Variants in AK5 observed in about 807,000 individuals in gnomAD.
The protein encoded by AK5 is adenylate kinase isoenzyme 5.
Under a neutral mutation model 69.5 loss-of-function variants are expected in AK5, and 27 were observed. The ratio of observed to expected loss-of-function variants is 0.39; its 90% confidence interval spans 0.29 to 0.54. The LOEUF is 0.54. Ranked by LOEUF, AK5 falls within the 20% of genes least tolerant of loss-of-function variation. The pLI is 0.71. For missense variants in AK5, 531 were observed against 700.4 expected (o/e 0.76, Z 2.73); for synonymous variants, 260 against 244.4 (o/e 1.06, Z -0.60).
intron 5 of AK5, among the ~76,000 whole-genome samples, chr1:77,304,483 G>A (rs1014366076): frequency 1.3e-4 from 19 of 149,778 alleles, no homozygotes; most frequent in South Asian, 4.2e-4. Context: ...TCGGCTCACC[G>A]CAGCGTCTGT....
chr1:77,296,501 A>AT (rs67967178), intron 3 of AK5, among the ~76,000 whole-genome samples: 1 of 125,320 alleles, frequency 8.0e-6, no homozygotes, highest in East Asian at 3.0e-4. Context: ...GTTGACAAAA[A>AT]ATTTTTTTTC....
Position 77,423,235 on chromosome 1 carries a change from AAAAAAAG to A in AK5, c.1059+5523_1059+5529del, listed in dbSNP as rs1650968402. ...GACTCCGTCTAAAAAAAAAAATAAA[AAAAAAAG>A]AAGAACTACTGTTGTCAGAGGTAGG... is the stretch of plus-strand genomic sequence containing the variant. On this transcript the variant is annotated intron_variant, in intron 8 of 13. Coordinates refer to ENST00000354567, the MANE Select transcript of AK5 (RefSeq NM_174858.3). Among the ~76,000 whole-genome samples the A allele has an allele frequency of 9.9e-5, 15 of 151,198 alleles. No homozygotes were observed. The South Asian group carries it at 1.0e-3, about 11-fold the overall frequency.
intron 8 of AK5, among the ~76,000 whole-genome samples, chr1:77,430,263 T>A (rs1217824267): frequency 3.9e-5 from 6 of 151,988 alleles, no homozygotes; most frequent in Non-Finnish European, 4.4e-5. Flanking sequence ...GAGAAGAACT[T>A]GTGACGAAAG....
intron 8 of AK5, among the ~76,000 whole-genome samples, chr1:77,474,249 A>G (rs890882421): frequency 6.6e-6 from 1 of 152,186 alleles, no homozygotes; most frequent in Non-Finnish European, 1.5e-5. Flanking sequence ...TGGTAGACTC[A>G]GAGTAAAGCC....
intron 5 of AK5, among the ~76,000 whole-genome samples, chr1:77,325,163 T>TTG (rs1299405642): frequency 2.2e-5 from 3 of 138,600 alleles, no homozygotes; most frequent in Non-Finnish European, 4.8e-5. Flanking sequence ...GGTTTTTTGT[T>TTG]TTTTTTTTTT....
intron 5 of AK5, among the ~76,000 whole-genome samples, chr1:77,309,416 C>T (rs1028038954): frequency 6.6e-6 from 1 of 152,028 alleles, no homozygotes; most frequent in African/African-American, 2.4e-5. Flanking sequence ...TGTACCACTT[C>T]CTGTTTTTCA....
intron 11 of AK5, among the ~76,000 whole-genome samples, chr1:77,519,649 T>C (rs1214370057): frequency 1.3e-5 from 2 of 152,240 alleles, no homozygotes; most frequent in Non-Finnish European, 2.9e-5. Flanking sequence ...GTGTTATTTC[T>C]TGATGATATG....
rs1553151382 is a variant in AK5 at position 77,443,699 on chromosome 1, G to GTGTGTGTA, written c.1059+25991_1059+25992insATGTGTGT. Among the ~76,000 whole-genome samples, 12 of 151,342 alleles carry GTGTGTGTA rather than the reference G, an allele frequency of 7.9e-5. No homozygotes were observed. The South Asian group carries it at 8.4e-4, about 11-fold the overall frequency. ...AGTCTGTGTGTGTGTGTGTGTGTGT[G>GTGTGTGTA]TGTGTGTGTGTGTGTGTGTGTGTGT... On this transcript the variant is annotated intron_variant, in intron 8 of 13. Transcript: ENST00000354567.
At chr1:77,539,478 C>T (rs1220186319) in intron 13 of AK5, among the ~76,000 whole-genome samples, 1 of 152,168 alleles carries the variant, frequency 6.6e-6, no homozygotes, top group African/African-American at 2.4e-5. Context: ...ACTGCCCCTG[C>T]CCAGGGCCAT....
At chr1:77,316,643 TG>T in intron 5 of AK5, among the ~76,000 whole-genome samples, 1 of 152,356 alleles carries the variant, frequency 6.6e-6, no homozygotes, top group Non-Finnish European at 1.5e-5. Flanking sequence ...TTATGCAATA[TG>T]TTTTCTAAGC....
At chr1:77,363,618 T>C (rs1350436847) in intron 6 of AK5, among the ~76,000 whole-genome samples, 2 of 152,174 alleles carry the variant, frequency 1.3e-5, no homozygotes, top group Non-Finnish European at 2.9e-5. Context: ...GCTCCTGCTT[T>C]CCTCTTTGTT....
At chr1:77,305,152 T>TG (rs536180601) in intron 5 of AK5, among the ~76,000 whole-genome samples, 14 of 152,358 alleles carry the variant, frequency 9.2e-5, no homozygotes, top group Admixed American at 9.2e-4. Context: ...GAATGTCTAT[T>TG]CAAATCTTTT....
rs944510127 is a variant in AK5, at chr1:77,283,321, A to G, written c.60+948A>G. 9.3e-5 allele frequency: 92 copies of G among 985,308 alleles called. No individual in the cohort carries two copies. In the African/African-American group the frequency reaches 1.5e-3, roughly 16 times the overall value. The allele number at this position is 985,308 out of a possible 1,614,324, so 61.0% of individuals were successfully genotyped here. A position where few individuals can be genotyped will look rare whatever the true frequency, so the allele number is the denominator to read the frequency against. On this transcript the variant is annotated intron_variant, in intron 1 of 13. Coordinates refer to ENST00000354567, the MANE Select transcript of AK5 (RefSeq NM_174858.3). ...GGAGGAGGAGAAAAGAATAGAAGCA[A>G]GCCAGGCTTCCTAAGCGAGCTCTGA...
At chr1:77,283,332 C>T in intron 1 of AK5, 1 of 985,392 alleles carries the variant, frequency 1.0e-6, no homozygotes, top group Non-Finnish European at 1.2e-6. Flanking sequence ...GCCAGGCTTC[C>T]TAAGCGAGCT....
At chr1:77,550,984 C>T (rs1462163175) in intron 13 of AK5, among the ~76,000 whole-genome samples, 2 of 152,244 alleles carry the variant, frequency 1.3e-5, no homozygotes, top group Non-Finnish European at 2.9e-5. Flanking sequence ...TGAGACCAGC[C>T]TGGCCAACAT....
chr1:77,496,230 C>T (rs143960992), intron 10 of AK5, among the ~76,000 whole-genome samples: 2 of 152,260 alleles, frequency 1.3e-5, no homozygotes, highest in African/African-American at 2.4e-5. Flanking sequence ...AAGGCAAGGA[C>T]TGAGGGAATG....
chr1:77,301,621 A>G (rs1659346683), intron 5 of AK5, among the ~76,000 whole-genome samples: 1 of 152,172 alleles, frequency 6.6e-6, no homozygotes, highest in Admixed American at 6.5e-5. Flanking sequence ...TTAGTTCAAA[A>G]GTGGAGAATC....
chr1:77,360,297 T>C (rs995220331), intron 6 of AK5, among the ~76,000 whole-genome samples: 13 of 152,122 alleles, frequency 8.5e-5, no homozygotes, highest in African/African-American at 2.9e-4. Flanking sequence ...TGGGATATCA[T>C]AGATGCTAAA....
intron 8 of AK5, among the ~76,000 whole-genome samples, chr1:77,459,023 G>A (rs1291908657): frequency 6.6e-6 from 1 of 152,112 alleles, no homozygotes; most frequent in Non-Finnish European, 1.5e-5. Context: ...ACAGGGAGTT[G>A]GTGGTCTGGT....
Sources: gnomAD v4.1 joint callset for allele counts (sites outside exome capture counted in the v4.1 genomes callset) on GRCh38, gnomAD v4.1.1 for gene constraint, MANE v1.5 for transcripts, NCBI Gene and HGNC (gene_info 2026-07-23, HGNC 2026-07-21) for gene names.